PLA2G4A: variants seen among roughly 807,000 people sequenced by gnomAD.
PLA2G4A encodes the protein phospholipase A2 group IVA.
Under a neutral mutation model 81.9 loss-of-function variants are expected in PLA2G4A, and 40 were observed. The ratio of observed to expected loss-of-function variants is 0.49; its 90% CI spans 0.38 to 0.64. The LOEUF (loss-of-function observed/expected upper bound fraction) is 0.64. Among genes scored for constraint, PLA2G4A ranks in the 30% least tolerant of loss-of-function variants. The probability of loss-of-function intolerance (pLI) is 0.00; values close to 1 mark genes in which losing one functional copy is unlikely to be tolerated. For missense variants in PLA2G4A, 715 were observed against 905.1 expected (o/e 0.79, Z 2.69); for synonymous variants, 302 against 296.9 (o/e 1.02, Z -0.18).
chr1:186,895,444 A>G (rs893265771), intron 5 of PLA2G4A, among the ~76,000 whole-genome samples: 30 of 152,316 alleles, frequency 2.0e-4, no homozygotes, highest in Non-Finnish European at 3.8e-4. Context: ...GACCCCTTTT[A>G]AAGCTATTTC....
Position 186,988,782 on chromosome 1 carries a change from C to A in PLA2G4A, c.*274C>A. 4.1e-6 allele frequency: 1 copy of A among 242,794 alleles called. No homozygotes were observed. The highest frequency in any genetic ancestry group is 8.2e-6 in the Non-Finnish European group (1 of 121,864). The allele number at this position is 242,794 out of a possible 1,614,324, so 15.0% of individuals were successfully genotyped here. ...ATATATACTGTATTTTTAAACATTT[C>A]TCACCAACTTTCTTATGTGTGTTCT... On this transcript the variant is annotated 3_prime_UTR_variant, in exon 18 of 18. Coordinates refer to ENST00000367466, the MANE Select transcript of PLA2G4A (RefSeq NM_024420.3).
At chr1:186,986,039 G>T (rs149244226) in intron 17 of PLA2G4A, among the ~76,000 whole-genome samples, 7 of 152,038 alleles carry the variant, frequency 4.6e-5, no homozygotes, top group African/African-American at 9.7e-5. Context: ...GGTATTTTCC[G>T]CAGTAATGTG....
intron 13 of PLA2G4A, among the ~76,000 whole-genome samples, chr1:186,955,442 A>C (rs1656711022): frequency 6.6e-6 from 1 of 152,142 alleles, no homozygotes; most frequent in African/African-American, 2.4e-5. Flanking sequence ...TCTGTGTGTA[A>C]GTTATATGTG....
chr1:186,964,932 G>T lies in PLA2G4A; in HGVS notation c.1580-477G>T, dbSNP rs149123897. 3.6e-3 allele frequency among the ~76,000 whole-genome samples: 555 copies of T among 152,308 alleles called. 3 individuals are homozygous for T. The highest frequency in any genetic ancestry group is 6.5e-3 in the Non-Finnish European group (444 of 68,026). On this transcript the variant is annotated intron_variant, in intron 14 of 17. Coordinates refer to ENST00000367466, the MANE Select transcript of PLA2G4A (RefSeq NM_024420.3). ...AGAGGCAGCCTGGGAACCATACAGA[G>T]TCTGCCACCTCCCAGTTGTGCCACC...
At chr1:186,865,711 G>A (rs189318474) in intron 2 of PLA2G4A, among the ~76,000 whole-genome samples, 158 of 151,960 alleles carry the variant, frequency 1.0e-3, no homozygotes, top group African/African-American at 3.3e-3. Context: ...TGTTTCTTTG[G>A]TTCTTGTCTT....
At chr1:186,872,430 G>T (rs1488380295) in intron 3 of PLA2G4A, among the ~76,000 whole-genome samples, 1 of 152,068 alleles carries the variant, frequency 6.6e-6, no homozygotes, top group Non-Finnish European at 1.5e-5. Context: ...TGTGTCAGTA[G>T]CTTGTCAGGC....
At chr1:186,942,836 G>A (rs954510202) in intron 10 of PLA2G4A, among the ~76,000 whole-genome samples, 8 of 152,286 alleles carry the variant, frequency 5.3e-5, no homozygotes, top group South Asian at 4.1e-4. Flanking sequence ...CTACTGAGAT[G>A]AGTGGTGCAT....
At chr1:186,979,224 T>G in intron 16 of PLA2G4A, 91 bp from the exon 17 acceptor site, 1 of 937,528 alleles carries the variant, frequency 1.1e-6, no homozygotes, top group East Asian at 2.4e-5. Context: ...CTCCCACTGC[T>G]GTCTTTATGT....
intron 3 of PLA2G4A, among the ~76,000 whole-genome samples, chr1:186,886,152 C>T (rs1055135737): frequency 1.3e-5 from 2 of 152,084 alleles, no homozygotes; most frequent in South Asian, 2.1e-4. Context: ...AGGACTTAGA[C>T]TACCTGATAT....
intron 9 of PLA2G4A, 131 bp from the exon 10 acceptor site, chr1:186,939,849 T>A: frequency 3.2e-6 from 2 of 628,446 alleles, no homozygotes; most frequent in Non-Finnish European, 5.7e-6. Flanking sequence ...GACCTAGTAA[T>A]TTCTAGAAGT....
intron 1 of PLA2G4A, among the ~76,000 whole-genome samples, chr1:186,851,001 A>T (rs1483457890): frequency 6.6e-6 from 1 of 152,058 alleles, no homozygotes; most frequent in African/African-American, 2.4e-5. Flanking sequence ...TTATCTTAAA[A>T]GCAAATCATA....
chr1:186,967,980 T>C (rs1657193114), intron 15 of PLA2G4A, among the ~76,000 whole-genome samples: 1 of 152,052 alleles, frequency 6.6e-6, no homozygotes, highest in Admixed American at 6.6e-5. Flanking sequence ...AATCCAACCA[T>C]AGGATAATGA....
chr1:186,937,253 A>AGAGAGAGAGAGAG (rs67366503), intron 8 of PLA2G4A, among the ~76,000 whole-genome samples: 1 of 149,236 alleles, frequency 6.7e-6, no homozygotes, highest in Non-Finnish European at 1.5e-5. Flanking sequence ...GAGACGGGAA[A>AGAGAGAGAGAGAG]AGAGAGAGAG....
chr1:186,872,727 A>G (rs1257190930), intron 3 of PLA2G4A, among the ~76,000 whole-genome samples: 2 of 152,098 alleles, frequency 1.3e-5, no homozygotes, highest in East Asian at 3.9e-4. Flanking sequence ...GTAATGCTGA[A>G]AGTTTCATTT....
intron 5 of PLA2G4A, among the ~76,000 whole-genome samples, chr1:186,901,995 G>T (rs1654556731): frequency 6.6e-6 from 1 of 152,142 alleles, no homozygotes; most frequent in African/African-American, 2.4e-5. Context: ...ATCCTTAGGT[G>T]ACTTCATTAT....
At chr1:186,973,726 C>T (rs1657437846) in intron 15 of PLA2G4A, among the ~76,000 whole-genome samples, 1 of 152,116 alleles carries the variant, frequency 6.6e-6, no homozygotes, top group African/African-American at 2.4e-5. Context: ...ATTTTCATGC[C>T]TATTGCATTA....
intron 17 of PLA2G4A, among the ~76,000 whole-genome samples, chr1:186,979,943 C>CTTTTTTTTTTT (rs34029312): frequency 1.0e-5 from 1 of 98,794 alleles, no homozygotes; most frequent in Non-Finnish European, 2.0e-5. Flanking sequence ...ACAGCATTTC[C>CTTTTTTTTTTT]TTTTTTTTTT....
chr1:186,905,512 T>C (rs1046729349), intron 5 of PLA2G4A, among the ~76,000 whole-genome samples: 3 of 152,214 alleles, frequency 2.0e-5, no homozygotes, highest in Non-Finnish European at 2.9e-5. Context: ...CATTATTCCA[T>C]GTGTCCTGGG....
At chr1:186,965,086 T>G (rs1375710195) in intron 14 of PLA2G4A, among the ~76,000 whole-genome samples, 1 of 152,244 alleles carries the variant, frequency 6.6e-6, no homozygotes, top group Non-Finnish European at 1.5e-5. Context: ...CTACGTAATG[T>G]AAGATAATAC....
Sources: gnomAD v4.1 joint callset for allele counts (sites outside exome capture counted in the v4.1 genomes callset) on GRCh38, gnomAD v4.1.1 for gene constraint, MANE v1.5 for transcripts, NCBI Gene and HGNC (gene_info 2026-07-23, HGNC 2026-07-21) for gene names.